The following SORCS2 variants were observed in gnomAD, a reference collection of about 807,000 sequenced individuals.
SORCS2 encodes the protein VPS10 domain-containing receptor SorCS2.
Under a neutral mutation model 141.6 loss-of-function variants are expected in SORCS2, and 100 were observed. The observed-to-expected ratio is 0.71, with a 90% CI of 0.60 to 0.83. The LOEUF (loss-of-function observed/expected upper bound fraction) is 0.83. Ranked by LOEUF, SORCS2 falls within the 40% of genes least tolerant of loss-of-function variation. The probability of loss-of-function intolerance (pLI) is 0.00; values close to 1 mark genes in which losing one functional copy is unlikely to be tolerated. For missense variants in SORCS2, 1,646 were observed against 1,560.2 expected (o/e 1.05, Z -0.93); for synonymous variants, 789 against 676.9 (o/e 1.17, Z -2.57).
chr4:7,725,050 G>T, intron 19 of SORCS2, 104 bp from the exon 20 acceptor site: 1 of 1,243,990 alleles, frequency 8.0e-7, no homozygotes. Context: ...AGTGGTGGTG[G>T]TGATGATAGC....
chr4:7,217,177 GT>G (rs1728410724), intron 1 of SORCS2, among the ~76,000 whole-genome samples: 1 of 152,112 alleles, frequency 6.6e-6, no homozygotes, highest in African/African-American at 2.4e-5. Context: ...GCCTCATTGG[GT>G]CCCCTCCTTG....
intron 3 of SORCS2, among the ~76,000 whole-genome samples, chr4:7,594,645 A>G (rs1384267241): frequency 6.6e-6 from 1 of 151,892 alleles, no homozygotes; most frequent in African/African-American, 2.4e-5. Flanking sequence ...GGAAGCCCCT[A>G]ATTTACAGTG....
chr4:7,730,812 A>G (rs1482100101), intron 23 of SORCS2, among the ~76,000 whole-genome samples: 1 of 152,226 alleles, frequency 6.6e-6, no homozygotes, highest in African/African-American at 2.4e-5. Flanking sequence ...AGATAGTGGT[A>G]ATGCTTGCAC....
chr4:7,489,027 A>G (rs1731157902), intron 2 of SORCS2, among the ~76,000 whole-genome samples: 1 of 152,230 alleles, frequency 6.6e-6, no homozygotes, highest in Non-Finnish European at 1.5e-5. Flanking sequence ...AGCACCTCCT[A>G]TATGGTCAGC....
At chr4:7,405,494 T>C (rs1724910336) in intron 2 of SORCS2, among the ~76,000 whole-genome samples, 1 of 152,164 alleles carries the variant, frequency 6.6e-6, no homozygotes, top group Admixed American at 6.5e-5. Flanking sequence ...GTATGAAATG[T>C]TTTTTCATTT....
chr4:7,485,501 C>G (rs763837980), intron 2 of SORCS2, among the ~76,000 whole-genome samples: 2 of 152,268 alleles, frequency 1.3e-5, no homozygotes, highest in Non-Finnish European at 2.9e-5. Flanking sequence ...TCATGTCTGC[C>G]TTTGGGGCCC....
intron 1 of SORCS2, among the ~76,000 whole-genome samples, chr4:7,343,634 T>C (rs16840095): frequency 0.48 from 73,248 of 152,044 alleles, 18,567 homozygotes; most frequent in African/African-American, 0.65. Flanking sequence ...AGTGCGGCTG[T>C]TTTCTACCTG....
chr4:7,507,735 T>C (rs1352798232), intron 2 of SORCS2, among the ~76,000 whole-genome samples: 1 of 120,490 alleles, frequency 8.3e-6, no homozygotes, highest in East Asian at 4.8e-4. Flanking sequence ...GTGGTCCATT[T>C]TGTACTTCCA....
intron 7 of SORCS2, among the ~76,000 whole-genome samples, chr4:7,665,609 T>C (rs1312198970): frequency 1.3e-5 from 2 of 152,146 alleles, no homozygotes. Flanking sequence ...GCCCTGTGCC[T>C]TCCTCCATCA....
chr4:7,602,131 C>T (rs1287278514), intron 3 of SORCS2, among the ~76,000 whole-genome samples: 1 of 152,264 alleles, frequency 6.6e-6, no homozygotes, highest in African/African-American at 2.4e-5. Context: ...CCCCCACTTC[C>T]ACTCGACAAA....
chr4:7,725,725 C>T (rs1344002129), intron 20 of SORCS2, among the ~76,000 whole-genome samples: 4 of 152,162 alleles, frequency 2.6e-5, no homozygotes, highest in African/African-American at 4.8e-5. Flanking sequence ...AGTGGGGAGC[C>T]ACAGATAGTT....
chr4:7,692,025 A>G (rs556333474), intron 11 of SORCS2, among the ~76,000 whole-genome samples: 2 of 151,726 alleles, frequency 1.3e-5, no homozygotes, highest in South Asian at 2.1e-4. Flanking sequence ...GCAGGAGACT[A>G]CACTTCTATT....
chr4:7,724,227 AGGT>A (rs375060102), intron 19 of SORCS2, among the ~76,000 whole-genome samples: 311 of 138,270 alleles, frequency 2.2e-3, no homozygotes, highest in African/African-American at 8.1e-3. Context: ...ATTATAGTGG[AGGT>A]GGTAGTGATG....
intron 2 of SORCS2, among the ~76,000 whole-genome samples, chr4:7,424,749 G>C (rs182595727): frequency 6.6e-6 from 1 of 152,326 alleles, no homozygotes; most frequent in East Asian, 1.9e-4. Flanking sequence ...TGGGTGTTCT[G>C]CATGGGAGAT....
At chr4:7,309,752 C>G (rs1718064867) in intron 1 of SORCS2, among the ~76,000 whole-genome samples, 1 of 152,150 alleles carries the variant, frequency 6.6e-6, no homozygotes, top group South Asian at 2.1e-4. Flanking sequence ...CGAGAGTTGG[C>G]CCAGCTGTGC....
chr4:7,721,907 G>A (rs1726612676), intron 18 of SORCS2, among the ~76,000 whole-genome samples: 1 of 152,292 alleles, frequency 6.6e-6, no homozygotes, highest in African/African-American at 2.4e-5. Context: ...TTTTCTTTAA[G>A]CACCAGTAAT....
At chr4:7,560,865 A>G (rs1055286140) in intron 3 of SORCS2, among the ~76,000 whole-genome samples, 1 of 152,138 alleles carries the variant, frequency 6.6e-6, no homozygotes, top group Non-Finnish European at 1.5e-5. Flanking sequence ...TTCCCTATCG[A>G]CAGAGGTTCC....
chr4:7,441,279 A>AC (rs966416260), intron 2 of SORCS2, among the ~76,000 whole-genome samples: 12 of 152,014 alleles, frequency 7.9e-5, no homozygotes, highest in Non-Finnish European at 1.6e-4. Context: ...AAAGAGCCGC[A>AC]CCCCAGGTGA....
chr4:7,683,685 A>G (rs781242885), intron 10 of SORCS2, among the ~76,000 whole-genome samples: 1 of 152,222 alleles, frequency 6.6e-6, no homozygotes, highest in Non-Finnish European at 1.5e-5. Flanking sequence ...CTAATCTGCC[A>G]TGGAGGGCAG....
Sources: gnomAD v4.1 joint callset for allele counts (sites outside exome capture counted in the v4.1 genomes callset) on GRCh38, gnomAD v4.1.1 for gene constraint, MANE v1.5 for transcripts, NCBI Gene and HGNC (gene_info 2026-07-23, HGNC 2026-07-21) for gene names.